CACNA1S: variants seen among roughly 807,000 people sequenced by gnomAD.
CACNA1S encodes the protein calcium voltage-gated channel subunit alpha1 S, also known as voltage-dependent L-type calcium channel subunit alpha-1S.
In CACNA1S, 126 loss-of-function variants were observed where a neutral mutation model predicts 207.4. The observed-to-expected ratio is 0.61, with a 90% CI of 0.53 to 0.70. The LOEUF is 0.70. CACNA1S is among the 30% of genes least tolerant of loss of function. CACNA1S has a pLI of 0.00. For missense variants in CACNA1S, 2,349 were observed against 2,422.8 expected (o/e 0.97, Z 0.64); for synonymous variants, 960 against 932.7 (o/e 1.03, Z -0.53).
rs1662003913 is a variant in CACNA1S, at chr1:201,085,392, TGA to T, written c.1150+42_1150+43del. 1.9e-6 allele frequency: 3 copies of T among 1,612,456 alleles called. No homozygotes were observed. In the East Asian group the frequency reaches 6.7e-5, roughly 36 times the overall value. On this transcript the variant is annotated intron_variant, in intron 8 of 43. Coordinates refer to ENST00000362061, the MANE Select transcript of CACNA1S (RefSeq NM_000069.3). The stretch of plus-strand genomic sequence containing the variant: ...GCAAGGTATGACTCAGAGGTGGGAG[TGA>T]GAGAGTGGGGTGAGTGCTGACCACA...
intron 8 of CACNA1S, 32 bp from the exon 9 acceptor site, chr1:201,085,063 T>A: frequency 1.9e-6 from 3 of 1,553,226 alleles, no homozygotes; most frequent in Non-Finnish European, 1.8e-6. Flanking sequence ...TCAGCCAGCC[T>A]TCGGGGCCCC....
chr1:201,075,267 G>C (rs1349738271), intron 13 of CACNA1S, among the ~76,000 whole-genome samples: 1 of 152,132 alleles, frequency 6.6e-6, no homozygotes, highest in Non-Finnish European at 1.5e-5. Flanking sequence ...ATTCCTCCCA[G>C]CTGTAGCCAA....
chr1:201,103,628 T>C (rs932129494), intron 2 of CACNA1S, among the ~76,000 whole-genome samples: 15 of 152,216 alleles, frequency 9.9e-5, no homozygotes, highest in African/African-American at 3.6e-4. Flanking sequence ...CACAGACCCT[T>C]TTGGAGCACC....
rs1373196357 is a variant in CACNA1S, at chr1:201,087,834, G to A, written c.996C>T (p.Val332=). 1 of 1,610,332 alleles carries A rather than the reference G, an allele frequency of 6.2e-7. No individual in the cohort carries two copies. Among genetic ancestry groups the A allele is most frequent in the Non-Finnish European group, 8.5e-7 (1 of 1,177,136 alleles). ...SFFILNLVLG[V]LSGEFTKERE... ...ACCTTTGAATTTCTTACCCACTCAG[G>A]ACACCCAGCACCAGGTTGAGGATGA... The change falls in exon 7 of 44, where the codon GTC becomes GTT. Residue 332 remains valine (V), a synonymous_variant. Coordinates refer to ENST00000362061, the MANE Select transcript of CACNA1S (RefSeq NM_000069.3).
At chr1:201,089,513 A>G in intron 5 of CACNA1S, 50 bp from the exon 6 acceptor site, 1 of 1,566,980 alleles carries the variant, frequency 6.4e-7, no homozygotes, top group Non-Finnish European at 8.8e-7. Flanking sequence ...TAGGTGGACA[A>G]CGACAGGAGG....
At chr1:201,091,838 G>A in intron 4 of CACNA1S, 46 bp from the exon 5 acceptor site, 2 of 1,598,178 alleles carry the variant, frequency 1.3e-6, no homozygotes, top group Non-Finnish European at 1.7e-6. Flanking sequence ...GCCTCTGCTT[G>A]GTCTCTTGGC....
At chr1:201,074,679 G>A (rs1250900092) in intron 13 of CACNA1S, 59 bp from the exon 14 acceptor site, 1 of 1,093,798 alleles carries the variant, frequency 9.1e-7, no homozygotes, top group African/African-American at 1.6e-5. Flanking sequence ...TGCAGGGCAG[G>A]AGTTCTGTCT....
At chr1:201,096,531 C>G (rs1039823181) in intron 2 of CACNA1S, among the ~76,000 whole-genome samples, 6 of 152,202 alleles carry the variant, frequency 3.9e-5, no homozygotes, top group African/African-American at 1.4e-4. Flanking sequence ...AGTCACCAAC[C>G]TTCCTAAAAC....
intron 22 of CACNA1S, among the ~76,000 whole-genome samples, chr1:201,064,621 G>A (rs1436441213): frequency 6.6e-6 from 1 of 152,174 alleles, no homozygotes; most frequent in Non-Finnish European, 1.5e-5. Flanking sequence ...TTGAAAGATC[G>A]TGCTTTGGTG....
At chr1:201,091,915 G>A in intron 4 of CACNA1S, 57 bp downstream of exon 4, 1 of 1,611,238 alleles carries the variant, frequency 6.2e-7, no homozygotes, top group Non-Finnish European at 8.5e-7. Context: ...CAGAACTGGG[G>A]GACAAGGGAA....
chr1:201,061,910 T>A (rs375920380), intron 24 of CACNA1S, 34 bp downstream of exon 24: 1 of 1,613,190 alleles, frequency 6.2e-7, no homozygotes, highest in African/African-American at 1.3e-5. Context: ...CCTGACCATG[T>A]CCATGAGGGA....
intron 7 of CACNA1S, among the ~76,000 whole-genome samples, chr1:201,086,060 C>G (rs1662028637): frequency 6.6e-6 from 1 of 150,816 alleles, no homozygotes; most frequent in African/African-American, 2.4e-5. Context: ...AGAAAAGGAC[C>G]CAAGGCTCCA....
chr1:201,051,115 T>C lies in CACNA1S; in HGVS notation c.3982A>G (p.Ile1328Val), dbSNP rs777426409. 15 of 1,613,998 alleles carry C rather than the reference T, an allele frequency of 9.3e-6. No individual in the cohort carries two copies. The African/African-American group carries it at 2.0e-4, about 22-fold the overall frequency. Residue 1328 changes from isoleucine (I) to valine (V), a missense_variant, in exon 33 of 44, where the codon ATC becomes GTC. Physicochemically the swap from Ile to Val is conservative, Grantham distance 29 (BLOSUM62 3). Coordinates refer to ENST00000362061, the MANE Select transcript of CACNA1S (RefSeq NM_000069.3). Reference sequence around the variant, plus strand: ...TTCCCATAGCTGCAGGCCAGTAGGATCTCCTGCCAGGCCTCACCTGTTGCA... The same window carrying C: ...TTCCCATAGCTGCAGGCCAGTAGGACCTCCTGCCAGGCCTCACCTGTTGCA... Reference protein sequence around the residue: ...RCATGEAWQEILLACSYGKLC... With the variant: ...RCATGEAWQEVLLACSYGKLC...
chr1:201,072,689 T>G, intron 16 of CACNA1S, 66 bp downstream of exon 16: 1 of 1,222,534 alleles, frequency 8.2e-7, no homozygotes, highest in Non-Finnish European at 1.2e-6. Context: ...ATGGGGAGAA[T>G]TCAGGACCGG....
intron 7 of CACNA1S, among the ~76,000 whole-genome samples, chr1:201,086,732 A>G (rs1039652225): frequency 1.3e-5 from 2 of 152,260 alleles, no homozygotes; most frequent in Non-Finnish European, 2.9e-5. Context: ...ATCAAGTAAT[A>G]CATTTGCTTT....
rs764015928 is a variant in CACNA1S, at chr1:201,076,554, G to A, written c.1827+366C>T. 1.1e-4 allele frequency among the ~76,000 whole-genome samples: 16 copies of A among 152,200 alleles called. 1 individual carries two copies. The highest frequency in any genetic ancestry group is 5.2e-4 in the Admixed American group (8 of 15,288). On this transcript the variant is annotated intron_variant, in intron 12 of 43. Transcript: ENST00000362061. ...TTTCTCTGGGGCTTTCTCAGCCTTC[G>A]GGAGAAAAAGCTCCCCTTATCTGAC...
At chr1:201,051,811 A>G (rs1660662469) in intron 32 of CACNA1S, among the ~76,000 whole-genome samples, 2 of 152,304 alleles carry the variant, frequency 1.3e-5, no homozygotes, top group Middle Eastern at 3.4e-3. Context: ...TTCCTAGAGC[A>G]GGCAGTGCAG....
chr1:201,069,016 G>A (rs1661354676), intron 19 of CACNA1S, 121 bp downstream of exon 19: 1 of 892,202 alleles, frequency 1.1e-6, no homozygotes, highest in Non-Finnish European at 1.9e-6. Flanking sequence ...GGTCCCATGA[G>A]TCTTTCCTGC....
intron 6 of CACNA1S, among the ~76,000 whole-genome samples, chr1:201,088,535 G>A (rs1662113639): frequency 1.3e-5 from 2 of 152,130 alleles, no homozygotes; most frequent in African/African-American, 2.4e-5. Flanking sequence ...CACAATAGGC[G>A]GCGTCATATT....
Sources: gnomAD v4.1 joint callset for allele counts (sites outside exome capture counted in the v4.1 genomes callset) on GRCh38, gnomAD v4.1.1 for gene constraint, MANE v1.5 for transcripts, NCBI Gene and HGNC (gene_info 2026-07-23, HGNC 2026-07-21) for gene names.